Variants in DNAH1 observed in about 807,000 individuals in gnomAD.
The protein encoded by DNAH1 is dynein axonemal heavy chain 1.
A neutral mutation model predicts 484.3 loss-of-function variants in DNAH1; 327 were observed. The ratio of observed to expected loss-of-function variants is 0.68; its 90% CI spans 0.62 to 0.74. The LOEUF (loss-of-function observed/expected upper bound fraction) is 0.74, where lower values mean the gene tolerates loss of function less well. DNAH1 is among the 30% of genes least tolerant of loss of function. The pLI is 0.00. For synonymous variants in DNAH1, 2,192 were observed against 2,191.9 expected (o/e 1.00, Z 0.00); for missense variants, 5,052 against 5,546.8 (o/e 0.91, Z 2.83).
At chr3:52,374,716 T>G (rs902702235) in intron 44 of DNAH1, 3 of 1,353,594 alleles carry the variant, frequency 2.2e-6, no homozygotes, top group Non-Finnish European at 3.2e-6. Context: ...AACAAGATAA[T>G]ACATGGCTTG....
At chr3:52,329,795 A>C (rs981628704) in intron 6 of DNAH1, among the ~76,000 whole-genome samples, 1 of 151,808 alleles carries the variant, frequency 6.6e-6, no homozygotes, top group Non-Finnish European at 1.5e-5. Flanking sequence ...ATTGCACTCC[A>C]GCCTGGGCAA....
intron 1 of DNAH1, among the ~76,000 whole-genome samples, chr3:52,320,859 G>A (rs566611300): frequency 6.8e-6 from 1 of 146,464 alleles, no homozygotes; most frequent in South Asian, 2.1e-4. Context: ...GGAATGCAGT[G>A]GCATGATCTT....
intron 6 of DNAH1, among the ~76,000 whole-genome samples, chr3:52,328,453 ACAC>A (rs1359055613): frequency 6.6e-6 from 1 of 152,034 alleles, no homozygotes; most frequent in Non-Finnish European, 1.5e-5. Context: ...CCATCATCAC[ACAC>A]ATTGACAAGC....
chr3:52,360,928 A>G (rs992722933), intron 28 of DNAH1, among the ~76,000 whole-genome samples: 6 of 152,016 alleles, frequency 3.9e-5, no homozygotes, highest in Admixed American at 1.3e-4. Flanking sequence ...GTGTGGCCAC[A>G]TGTCGGCCAT....
Position 52,378,622 on chromosome 3 carries a change from C to T in DNAH1, c.7219C>T (p.His2407Tyr). Residue 2407 changes from histidine to tyrosine, a missense_variant, in exon 47 of 78, where the codon CAC becomes TAC. Transcript: ENST00000420323. ...ERVPGAPHIA[H>Y]FTEPLVEATI... ...CCCAGCTGGGGCCCCCCACATTGCC[C>T]ACTTCACGGAGCCCCTTGTGGAAGC... 1 of 1,613,572 alleles carries T rather than the reference C, an allele frequency of 6.2e-7. No homozygotes were observed. The highest frequency in any genetic ancestry group is 8.5e-7 in the Non-Finnish European group (1 of 1,179,814).
At chr3:52,373,359 C>T (rs1310230033) in intron 44 of DNAH1, among the ~76,000 whole-genome samples, 6 of 151,996 alleles carry the variant, frequency 3.9e-5, no homozygotes, top group Non-Finnish European at 8.8e-5. Flanking sequence ...GCTGCGGGGG[C>T]AGGAAGCGGC....
In DNAH1 at chr3:52,348,998, G is replaced by A; in HGVS notation, c.2217G>A (p.Lys739=). 6.2e-7 allele frequency: 1 copy of A among 1,613,402 alleles called. No individual in the cohort carries two copies. ...CCACCATTGCCAGTGCCGTGTCCAAGGCCATGATCCCACTGCAGGCCTACG... is the reference window on the plus strand; with the variant it reads ...CCACCATTGCCAGTGCCGTGTCCAAAGCCATGATCCCACTGCAGGCCTACG... The part of the protein sequence containing the change: ...LRATIASAVS[K]AMIPLQAYAK... Residue 739 remains lysine (K), a synonymous_variant, in exon 13 of 78, where the codon AAG becomes AAA. Transcript: ENST00000420323.
At position 52,352,686 on chromosome 3, in the gene DNAH1, C is replaced by T. The variant is rs751648727; in HGVS notation, c.3006C>T (p.Ile1002=). 7 of 1,612,342 alleles carry T rather than the reference C, an allele frequency of 4.3e-6. No homozygotes were observed. The highest frequency in any genetic ancestry group is 1.1e-5 in the South Asian group (1 of 91,014). ...TGCTCTACAACAACCGCGAGCGCATCTTCAGCTTGCCCATCACCAATGTAG... is the reference window on the plus strand; with the variant it reads ...TGCTCTACAACAACCGCGAGCGCATTTTCAGCTTGCCCATCACCAATGTAG... The part of the protein sequence containing the change: ...LAMLYNNRER[I]FSLPITNYDK... The change falls in exon 18 of 78, where the codon ATC becomes ATT. Residue 1002 remains isoleucine, a synonymous_variant. Transcript: ENST00000420323.
chr3:52,386,713 G>A lies in DNAH1; in HGVS notation c.8863G>A (p.Val2955Met), dbSNP rs1415756208. 1 of 1,593,224 alleles carries A rather than the reference G, an allele frequency of 6.3e-7. No individual in the cohort carries two copies. The highest frequency in any genetic ancestry group is 8.5e-7 in the Non-Finnish European group (1 of 1,170,278). Residue 2955 changes from valine to methionine, a missense_variant, in exon 56 of 78, where the codon GTG (valine) becomes ATG (methionine). Coordinates refer to ENST00000420323, the MANE Select transcript of DNAH1 (RefSeq NM_015512.5). ...PPGVKLVIEA[V>M]CIMKGIKPKK... The stretch of plus-strand genomic sequence containing the variant: ...GGGTGTGAAACTGGTCATAGAAGCT[G>A]TGTGCATTATGAAAGGCATCAAGCC...
chr3:52,394,281 A>G (rs1333233252), intron 66 of DNAH1, among the ~76,000 whole-genome samples, 184 bp from the exon 67 acceptor site: 5 of 152,260 alleles, frequency 3.3e-5, no homozygotes, highest in Admixed American at 2.6e-4. Flanking sequence ...CTCTTGCCCT[A>G]AGGGCACACA....
rs766384662 is a variant in DNAH1 at position 52,398,121 on chromosome 3, T to C, written c.12048T>C (p.Tyr4016=). ...TGATGGCCAAGTACCCAGTGCTGTATGAGGAATCAATGAACACAGTACTAG... is the reference window on the plus strand; with the variant it reads ...TGATGGCCAAGTACCCAGTGCTGTACGAGGAATCAATGAACACAGTACTAG... The part of the protein sequence containing the change: ...QWVMAKYPVL[Y]EESMNTVLVQ... The change falls in exon 75 of 78, where the codon TAT becomes TAC. Residue 4016 remains tyrosine, a synonymous_variant. Transcript: ENST00000420323. 3 of 1,613,750 alleles carry C rather than the reference T, an allele frequency of 1.9e-6. No individual in the cohort carries two copies. Among genetic ancestry groups the C allele is most frequent in the East Asian group, 4.5e-5 (2 of 44,882 alleles).
intron 27 of DNAH1, 50 bp downstream of exon 27, chr3:52,360,129 G>A (rs765112618): frequency 1.9e-6 from 3 of 1,611,022 alleles, no homozygotes; most frequent in South Asian, 2.2e-5. Context: ...CCAGGAAGGG[G>A]CAGGGGAAAA....
At chr3:52,324,133 G>A (rs983630573) in intron 3 of DNAH1, among the ~76,000 whole-genome samples, 7 of 152,186 alleles carry the variant, frequency 4.6e-5, no homozygotes, top group African/African-American at 1.7e-4. Context: ...AGGGGTCAGA[G>A]CCACAGCTTT....
At chr3:52,334,854 G>GTT (rs35616652) in intron 8 of DNAH1, among the ~76,000 whole-genome samples, 4 of 142,026 alleles carry the variant, frequency 2.8e-5, no homozygotes, top group Non-Finnish European at 3.1e-5. Flanking sequence ...CTTTCTTTCT[G>GTT]TTTTTTTTTT....
chr3:52,383,608 T>C lies in DNAH1; in HGVS notation c.8150+14T>C, dbSNP rs1340860062. 6.4e-7 allele frequency: 1 copy of C among 1,554,694 alleles called. No individual in the cohort carries two copies. The highest frequency in any genetic ancestry group is 1.9e-5 in the Admixed American group (1 of 52,972). On this transcript the variant is annotated intron_variant, in intron 51 of 77. Transcript: ENST00000420323. ...GCTGTGCATGAGGTACAGGCAGCTG[T>C]CGCCAGGCTGCGCTGGGGCAGCGGA...
chr3:52,322,780 G>A lies in DNAH1; in HGVS notation c.333+5G>A, dbSNP rs1350554811. On this transcript the variant is annotated splice_donor_5th_base_variant and intron_variant, in intron 2 of 77. Coordinates refer to ENST00000420323, the MANE Select transcript of DNAH1 (RefSeq NM_015512.5). ...GGAACCTTAGATCAACTTGGGGTGAGTATGGCAGCCATCCCCTACCAAGCC... is the reference window on the plus strand; with the variant it reads ...GGAACCTTAGATCAACTTGGGGTGAATATGGCAGCCATCCCCTACCAAGCC... 6.3e-7 allele frequency: 1 copy of A among 1,590,110 alleles called. No individual in the cohort carries two copies. Among genetic ancestry groups the A allele is most frequent in the Non-Finnish European group, 8.6e-7 (1 of 1,168,262 alleles).
chr3:52,332,364 T>C lies in DNAH1; in HGVS notation c.1256T>C (p.Leu419Pro), dbSNP rs773721028. The C allele has an allele frequency of 3.7e-6, 6 of 1,613,710 alleles. No individual in the cohort carries two copies. The Admixed American group carries it at 6.7e-5, about 18-fold the overall frequency. Residue 419 changes from leucine to proline, a missense_variant, in exon 8 of 78, where the codon CTG (leucine) becomes CCG (proline). This residue lies in a region of DNAH1 where 1,263 missense variants were observed against 1,218.8 expected (regional missense o/e 1.04). Transcript: ENST00000420323. Reference protein sequence around the residue: ...QSLSKIKQWALSTPRMRKGPS... With the variant: ...QSLSKIKQWAPSTPRMRKGPS... ...CTGAGCAAGATCAAGCAGTGGGCCC[T>C]GAGCACGCCTCGGATGCGCAAAGGC...
chr3:52,376,607 G>A (rs927666135), intron 46 of DNAH1, among the ~76,000 whole-genome samples: 4 of 151,996 alleles, frequency 2.6e-5, no homozygotes, highest in Non-Finnish European at 5.9e-5. Flanking sequence ...CCTCTTCCCC[G>A]CCAACACCAG....
chr3:52,378,880 T>G, intron 47 of DNAH1, 100 bp downstream of exon 47: 1 of 1,464,104 alleles, frequency 6.8e-7, no homozygotes. Flanking sequence ...AGGCCCTGAG[T>G]GGGGCTTCCT....
Sources: gnomAD v4.1 joint callset for allele counts (sites outside exome capture counted in the v4.1 genomes callset) on GRCh38, gnomAD v4.1.1 for gene constraint, gnomAD v4.1.1 regional missense constraint, MANE v1.5 for transcripts, NCBI Gene and HGNC (gene_info 2026-07-23, HGNC 2026-07-21) for gene names.